The following CSMD1 variants were observed in gnomAD, a reference collection of about 807,000 sequenced individuals.
CSMD1 encodes CUB and sushi domain-containing protein 1.
A neutral mutation model predicts 417.5 loss-of-function variants in CSMD1; 213 were observed. That is an observed-to-expected ratio of 0.51 (90% confidence interval 0.46 to 0.57). The LOEUF is 0.57. Among genes scored for constraint, CSMD1 ranks in the 20% least tolerant of loss-of-function variants. The pLI is 0.00. For missense variants in CSMD1, 6,923 were observed against 4,529.7 expected, an observed-to-expected ratio of 1.53 and a Z score of -15.17; for synonymous variants, 2,862 against 1,736.8, an observed-to-expected ratio of 1.65 and a Z score of -16.11.
chr8:3,114,009 G>A (rs1408695349), intron 42 of CSMD1, among the ~76,000 whole-genome samples: 1 of 152,086 alleles, frequency 6.6e-6, no homozygotes, highest in South Asian at 2.1e-4. Flanking sequence ...TTTGACCCCA[G>A]GAGTTCGAGA....
intron 3 of CSMD1, among the ~76,000 whole-genome samples, chr8:4,269,473 T>C (rs1053556649): frequency 6.6e-6 from 1 of 152,238 alleles, no homozygotes; most frequent in Non-Finnish European, 1.5e-5. Context: ...TCAGAGCTCA[T>C]GTATTCTTTG....
At chr8:3,404,240 C>A (rs1812214827) in intron 15 of CSMD1, among the ~76,000 whole-genome samples, 1 of 151,470 alleles carries the variant, frequency 6.6e-6, no homozygotes, top group South Asian at 2.1e-4. Flanking sequence ...AAGGCTGAGG[C>A]AGAAGAACTG....
rs11414439 is a variant in CSMD1 at position 3,235,916 on chromosome 8, G to GTTTTTTTTTT, written c.4154-5695_4154-5686dup. ...TTATGCCAGTTATATGAAGATGTAA[G>GTTTTTTTTTT]TTTTTTTTTTTTTTTTTTTGAGACA... is the stretch of plus-strand genomic sequence containing the variant. On this transcript the variant is annotated intron_variant, in intron 26 of 69. Coordinates refer to ENST00000635120, the MANE Select transcript of CSMD1 (RefSeq NM_033225.6). 1.8e-3 allele frequency among the ~76,000 whole-genome samples: 215 copies of GTTTTTTTTTT among 119,328 alleles called. 5 individuals are homozygous for GTTTTTTTTTT. The highest frequency in any genetic ancestry group is 2.4e-3 in the Admixed American group (23 of 9,656). 78.3% of individuals were successfully genotyped at this position (119,328 alleles called of 152,430 possible). A position where few individuals can be genotyped will look rare whatever the true frequency, so the allele number is the denominator to read the frequency against.
chr8:4,709,524 G>A (rs73512997), intron 1 of CSMD1, among the ~76,000 whole-genome samples: 2,044 of 152,360 alleles, frequency 0.013, 28 homozygotes, highest in Middle Eastern at 0.037. Flanking sequence ...AGGGTACAAA[G>A]AGGGCAGAGA....
intron 21 of CSMD1, among the ~76,000 whole-genome samples, chr8:3,349,749 TATAG>T (rs201607660): frequency 0.011 from 1,641 of 146,856 alleles, 31 homozygotes; most frequent in African/African-American, 0.038. Context: ...AAATACTTTA[TATAG>T]TTATAGCTAT....
At chr8:4,037,961 T>G (rs1797703365) in intron 3 of CSMD1, among the ~76,000 whole-genome samples, 1 of 152,166 alleles carries the variant, frequency 6.6e-6, no homozygotes, top group Non-Finnish European at 1.5e-5. Context: ...AAAATGTTAT[T>G]TTAGAAACAA....
chr8:3,968,004 T>TTAAAAAAAAAA (rs1491576891), intron 5 of CSMD1, among the ~76,000 whole-genome samples: 2 of 98,888 alleles, frequency 2.0e-5, no homozygotes, highest in African/African-American at 8.7e-5. Context: ...CGTCACTGCT[T>TTAAAAAAAAAA]AAAAAAAAAA....
intron 3 of CSMD1, among the ~76,000 whole-genome samples, chr8:4,179,027 C>T (rs1798209255): frequency 6.6e-6 from 1 of 151,982 alleles, no homozygotes; most frequent in Non-Finnish European, 1.5e-5. Context: ...CATTCAATGC[C>T]ATCCCCATCA....
chr8:3,995,957 C>G (rs1815180670), intron 5 of CSMD1, among the ~76,000 whole-genome samples: 1 of 152,150 alleles, frequency 6.6e-6, no homozygotes, highest in East Asian at 1.9e-4. Flanking sequence ...AGCCTGGATC[C>G]AGGCACCAAG....
At chr8:4,323,492 G>C (rs59433138) in intron 3 of CSMD1, among the ~76,000 whole-genome samples, 5 of 151,570 alleles carry the variant, frequency 3.3e-5, no homozygotes. Flanking sequence ...GGCTTTCTCT[G>C]AAACCTGTTA....
At chr8:4,082,925 C>G (rs577419288) in intron 3 of CSMD1, among the ~76,000 whole-genome samples, 22 of 152,034 alleles carry the variant, frequency 1.4e-4, no homozygotes, top group African/African-American at 4.6e-4. Flanking sequence ...TCATCCATGT[C>G]CTTACAAAGG....
intron 2 of CSMD1, among the ~76,000 whole-genome samples, chr8:4,429,291 T>C (rs1797737643): frequency 6.6e-6 from 1 of 152,100 alleles, no homozygotes; most frequent in Admixed American, 6.6e-5. Flanking sequence ...GAATAATTTC[T>C]CATCAATTTT....
chr8:4,086,086 A>C (rs929533904), intron 3 of CSMD1, among the ~76,000 whole-genome samples: 2 of 152,216 alleles, frequency 1.3e-5, no homozygotes, highest in African/African-American at 4.8e-5. Flanking sequence ...TTCCATATTT[A>C]ATCTCATTTT....
At chr8:2,944,491 C>T (rs1250982960) in intron 68 of CSMD1, among the ~76,000 whole-genome samples, 1 of 152,112 alleles carries the variant, frequency 6.6e-6, no homozygotes, top group Non-Finnish European at 1.5e-5. Context: ...TATGTTAGTA[C>T]ATCTCAAGTG....
intron 2 of CSMD1, among the ~76,000 whole-genome samples, chr8:4,551,803 C>G (rs185913762): frequency 3.7e-4 from 56 of 152,136 alleles, no homozygotes; most frequent in African/African-American, 1.2e-3. Flanking sequence ...CTCAGCCTCC[C>G]TAGTAGCTGG....
At chr8:3,248,779 G>C (rs569475211) in intron 26 of CSMD1, among the ~76,000 whole-genome samples, 1 of 151,938 alleles carries the variant, frequency 6.6e-6, no homozygotes, top group Non-Finnish European at 1.5e-5. Flanking sequence ...CGTGTCCATA[G>C]CTAGGGACAA....
At chr8:4,277,702 T>A (rs1269899282) in intron 3 of CSMD1, among the ~76,000 whole-genome samples, 1 of 152,202 alleles carries the variant, frequency 6.6e-6, no homozygotes, top group Non-Finnish European at 1.5e-5. Flanking sequence ...AAGAAACTCC[T>A]TAAAGTGTTA....
chr8:3,167,036 C>T (rs1469180388), intron 37 of CSMD1, among the ~76,000 whole-genome samples: 1 of 152,086 alleles, frequency 6.6e-6, no homozygotes, highest in African/African-American at 2.4e-5. Flanking sequence ...CCTGTCATCC[C>T]AGCACTTTGG....
chr8:4,928,206 G>A lies in CSMD1; in HGVS notation c.85+66126C>T, dbSNP rs544742919. 1.1e-4 allele frequency among the ~76,000 whole-genome samples: 17 copies of A among 152,220 alleles called. No individual in the cohort carries two copies. The South Asian group carries it at 3.5e-3, about 32-fold the overall frequency. ...TGCCTGGAGTGCCCGTCACCAAGAA[G>A]CTGACCAGCATGTCTTGCTCTCTTG... On this transcript the variant is annotated intron_variant, in intron 1 of 69. Coordinates refer to ENST00000635120, the MANE Select transcript of CSMD1 (RefSeq NM_033225.6).
Sources: gnomAD v4.1 joint callset for allele counts (sites outside exome capture counted in the v4.1 genomes callset) on GRCh38, gnomAD v4.1.1 for gene constraint, MANE v1.5 for transcripts, NCBI Gene and HGNC (gene_info 2026-07-23, HGNC 2026-07-21) for gene names.